The following EHHADH variants were observed in gnomAD, a reference collection of about 807,000 sequenced individuals.
EHHADH encodes the protein peroxisomal bifunctional enzyme.
In EHHADH, 48 loss-of-function variants were observed where a neutral mutation model predicts 64.4. That is an observed-to-expected ratio of 0.75 (90% CI 0.59 to 0.95). EHHADH has a LOEUF of 0.95. EHHADH is among the 40% of genes least tolerant of loss of function. EHHADH has a pLI of 0.00. For synonymous variants in EHHADH, 308 were observed against 326.7 expected, an observed-to-expected ratio of 0.94 and a Z score of 0.62; for missense variants, 854 against 876.6, an observed-to-expected ratio of 0.97 and a Z score of 0.33.
chr3:185,248,565 C>T (rs763665119), intron 1 of EHHADH, 48 bp from the exon 2 acceptor site: 1 of 1,392,184 alleles, frequency 7.2e-7, no homozygotes, highest in South Asian at 1.3e-5. Context: ...AATTAAATTC[C>T]TACCATTCAG....
chr3:185,218,196 C>G lies in EHHADH; in HGVS notation c.508G>C (p.Asp170His). The change falls in exon 5 of 7, where the codon GAT (aspartate) becomes CAT (histidine). Residue 170 changes from aspartate to histidine, a missense_variant. By Grantham distance (81) the Asp-to-His change is moderately conservative. Transcript: ENST00000231887. ...ACCGGGTCTGAGTTTACAACTTTAT[C>G]TAGAATGCCCAGCTTGAGTGCTTCA... ...ADEALKLGILDKVVNSDPVEE... is the reference protein window; with the variant it reads ...ADEALKLGILHKVVNSDPVEE... 1 of 1,606,780 alleles carries G rather than the reference C, an allele frequency of 6.2e-7. No homozygotes were observed. Among genetic ancestry groups the G allele is most frequent in the Non-Finnish European group, 8.5e-7 (1 of 1,177,576 alleles).
At chr3:185,202,921 T>G (rs1194849534) in intron 6 of EHHADH, among the ~76,000 whole-genome samples, 1 of 151,588 alleles carries the variant, frequency 6.6e-6, no homozygotes, top group Non-Finnish European at 1.5e-5. Flanking sequence ...CTCACTCATA[T>G]GTGGGAGCTT....
At chr3:185,219,074 C>G (rs560623029) in intron 4 of EHHADH, among the ~76,000 whole-genome samples, 4 of 152,150 alleles carry the variant, frequency 2.6e-5, no homozygotes, top group African/African-American at 7.2e-5. Flanking sequence ...AGATAGTCCC[C>G]AGACATAAAT....
At position 185,192,003 on chromosome 3, in the gene EHHADH, C is replaced by T. The variant is rs1196382236; in HGVS notation, c.*223G>A. 1.8e-6 allele frequency: 1 copy of T among 541,186 alleles called. No homozygotes were observed. The highest frequency in any genetic ancestry group is 1.9e-5 in the African/African-American group (1 of 52,642). The allele number at this position is 541,186 out of a possible 1,614,324, so 33.5% of individuals were successfully genotyped here. A position where few individuals can be genotyped will look rare whatever the true frequency, so the allele number is the denominator to read the frequency against. On this transcript the variant is annotated 3_prime_UTR_variant, in exon 7 of 7. Coordinates refer to ENST00000231887, the MANE Select transcript of EHHADH (RefSeq NM_001966.4). ...TAGCTATTATGGTATTATATTCACACAAGTTCATGCATTGAATTTATCTGA... is the reference window on the plus strand; with the variant it reads ...TAGCTATTATGGTATTATATTCACATAAGTTCATGCATTGAATTTATCTGA...
At chr3:185,253,823 T>C (rs1248215002) in intron 1 of EHHADH, 126 bp downstream of exon 1, 2 of 1,417,660 alleles carry the variant, frequency 1.4e-6, no homozygotes, top group Non-Finnish European at 1.9e-6. Context: ...TCCTGGCATG[T>C]ACCAGTTGCT....
chr3:185,199,245 T>C (rs935792345), intron 6 of EHHADH, among the ~76,000 whole-genome samples: 3 of 151,928 alleles, frequency 2.0e-5, no homozygotes, highest in African/African-American at 7.3e-5. Flanking sequence ...AAATGGAAAA[T>C]GAAGAAAAAT....
chr3:185,247,975 T>C (rs1445309111), intron 2 of EHHADH: 2 of 153,390 alleles, frequency 1.3e-5, no homozygotes, highest in African/African-American at 4.8e-5. Context: ...ATTGACCATC[T>C]TCTTTGTGTA....
chr3:185,220,987 A>C (rs539044402), intron 4 of EHHADH, among the ~76,000 whole-genome samples: 8 of 152,238 alleles, frequency 5.3e-5, no homozygotes, highest in Non-Finnish European at 1.0e-4. Flanking sequence ...TTTCTATGCA[A>C]ATCAAAACCC....
chr3:185,193,469 C>T lies in EHHADH; in HGVS notation c.929G>A (p.Arg310Gln), dbSNP rs758906264. 3.3e-5 allele frequency: 53 copies of T among 1,613,894 alleles called. No homozygotes were observed. The Admixed American group carries it at 4.2e-4, about 13-fold the overall frequency. The change falls in exon 7 of 7, where the codon CGA (arginine) becomes CAA (glutamine). Residue 310 changes from arginine (R) to glutamine (Q), a missense_variant. Transcript: ENST00000231887. ...VGVVGLGTMG[R>Q]GIVISFARAR... ...CCTTGCAAAAGAAATGACAATGCCT[C>T]GGCCCATTGTTCCCAAGCCTGCAGA...
intron 6 of EHHADH, among the ~76,000 whole-genome samples, chr3:185,196,343 T>C (rs1718064444): frequency 1.3e-5 from 2 of 152,168 alleles, no homozygotes; most frequent in African/African-American, 2.4e-5. Flanking sequence ...TGAATGTTCA[T>C]CAACTGGTGT....
In EHHADH at chr3:185,193,110, CA is replaced by C. The variant is rs1717951386; in HGVS notation, c.1287del (p.Ile429MetfsTer12). ...TGAGCTGGCGAAAAGAAGTGGGTGC[CA>C]ATGACCAAGTGAGGACGATCAGTGG... ...ASSTDRPHLV[I>X]GTHFFSPAHV... On this transcript the variant is annotated frameshift_variant, in exon 7 of 7. Transcript: ENST00000231887. LOFTEE classifies it high-confidence loss of function. 2.5e-6 allele frequency: 4 copies of C among 1,613,610 alleles called. No individual in the cohort carries two copies. The highest frequency in any genetic ancestry group is 3.4e-6 in the Non-Finnish European group (4 of 1,179,744).
intron 5 of EHHADH, among the ~76,000 whole-genome samples, chr3:185,213,797 T>C (rs977312473): frequency 1.3e-5 from 2 of 151,002 alleles, no homozygotes; most frequent in African/African-American, 4.9e-5. Context: ...GGAGAATCAA[T>C]TGAACCTGAG....
chr3:185,220,522 A>G (rs1311122575), intron 4 of EHHADH, among the ~76,000 whole-genome samples: 1 of 152,196 alleles, frequency 6.6e-6, no homozygotes, highest in African/African-American at 2.4e-5. Context: ...AGGTTTGTGT[A>G]AGTAAACCAT....
At chr3:185,252,225 C>A (rs908401394) in intron 1 of EHHADH, among the ~76,000 whole-genome samples, 3 of 152,076 alleles carry the variant, frequency 2.0e-5, no homozygotes, top group Admixed American at 1.3e-4. Flanking sequence ...CATGGTGAAA[C>A]CCCGTCTCTA....
intron 6 of EHHADH, among the ~76,000 whole-genome samples, chr3:185,194,820 A>AAAAAAAAAAAAAAAAAAAAAAAC (rs1718015794): frequency 1.4e-5 from 2 of 146,284 alleles, no homozygotes; most frequent in Non-Finnish European, 3.0e-5. Context: ...AAAAAAAAAA[A>AAAAAAAAAAAAAAAAAAAAAAAC]AAAAAAAAGA....
chr3:185,203,892 A>G (rs1718297981), intron 6 of EHHADH, among the ~76,000 whole-genome samples: 1 of 152,080 alleles, frequency 6.6e-6, no homozygotes, highest in Non-Finnish European at 1.5e-5. Flanking sequence ...GTAATCTCAG[A>G]AATTTGGGAC....
chr3:185,228,928 C>A (rs1209324616), intron 4 of EHHADH, among the ~76,000 whole-genome samples: 2 of 151,678 alleles, frequency 1.3e-5, no homozygotes, highest in East Asian at 2.0e-4. Context: ...CTCAGTCTCC[C>A]GAGTAGCTGG....
At position 185,204,555 on chromosome 3, in the gene EHHADH, T is replaced by C. The variant is rs1399705235; in HGVS notation, c.771A>G (p.Leu257=). Residue 257 remains leucine (L), a synonymous_variant, in exon 6 of 7, where the codon CTA becomes CTG. Coordinates refer to ENST00000231887, the MANE Select transcript of EHHADH (RefSeq NM_001966.4). ...TAGCCTGCCCTGATTGCAAAAGATA[T>C]AGAAACAGCTCCTCCTCCTTCTTGA... The part of the protein sequence containing the change: ...VGIKKEEELF[L]YLLQSGQARA... 3 of 1,614,200 alleles carry C rather than the reference T, an allele frequency of 1.9e-6. No individual in the cohort carries two copies. Among genetic ancestry groups the C allele is most frequent in the Non-Finnish European group, 1.7e-6 (2 of 1,180,024 alleles).
rs760406357 is a variant in EHHADH, at chr3:185,193,122, G to C, written c.1276C>G (p.His426Asp). 6.2e-7 allele frequency: 1 copy of C among 1,613,426 alleles called. No individual in the cohort carries two copies. Among genetic ancestry groups the C allele is most frequent in the Non-Finnish European group, 8.5e-7 (1 of 1,179,754 alleles). ...AAGAAGTGGGTGCCAATGACCAAGT[G>C]AGGACGATCAGTGGAAGAAGCAATC... ...DEIASSTDRP[H>D]LVIGTHFFSP... Residue 426 changes from histidine (H) to aspartate (D), a missense_variant, in exon 7 of 7, where the codon CAC becomes GAC. His to Asp is a moderately conservative substitution (Grantham distance 81, BLOSUM62 -1). Transcript: ENST00000231887.
Sources: allele counts gnomAD v4.1 joint callset (sites outside exome capture counted in the v4.1 genomes callset), GRCh38; gene constraint gnomAD v4.1.1; transcripts MANE v1.5; gene names NCBI Gene and HGNC (gene_info 2026-07-23, HGNC 2026-07-21).